WDR81: variants seen among roughly 807,000 people sequenced by gnomAD.
WDR81 encodes the protein WD repeat domain 81.
Under a neutral mutation model 140.8 loss-of-function variants are expected in WDR81, and 92 were observed. That is an observed-to-expected ratio of 0.65 (90% CI 0.55 to 0.78). The LOEUF is 0.78. Among genes scored for constraint, WDR81 ranks in the 30% least tolerant of loss-of-function variants. The probability of loss-of-function intolerance (pLI) is 0.00; values close to 1 mark genes in which losing one functional copy is unlikely to be tolerated. For missense variants in WDR81, 2,502 were observed against 2,636.4 expected (o/e 0.95, Z 1.12); for synonymous variants, 1,183 against 1,156.4 (o/e 1.02, Z -0.47).
chr17:1,728,536 G>C lies in WDR81; in HGVS notation c.3577G>C (p.Val1193Leu), dbSNP rs755638561. Residue 1193 changes from valine (V) to leucine (L), a missense_variant, in exon 1 of 10, where the codon GTT becomes CTT. This residue lies in a region of WDR81 where 1,737 missense variants were observed against 1,843.0 expected (regional missense o/e 0.94). Coordinates refer to ENST00000409644, the MANE Select transcript of WDR81 (RefSeq NM_001163809.2). Reference protein sequence around the residue: ...LSDTVLSMETVVAGGSGGDGE... With the variant: ...LSDTVLSMETLVAGGSGGDGE... ...TGACACGGTGCTGTCCATGGAGACG[G>C]TTGTGGCCGGCGGCAGTGGGGGAGA... The C allele has an allele frequency of 6.4e-6, 10 of 1,551,572 alleles. No homozygotes were observed. In the East Asian group the frequency reaches 2.4e-4, roughly 37 times the overall value.
rs373042794 is a variant in WDR81 at position 1,736,224 on chromosome 17, G to A, written c.5505+6G>A. On this transcript the variant is annotated splice_donor_region_variant and intron_variant, in intron 9 of 9. Transcript: ENST00000409644. ...GGGACATTCTGCAGATCAAGGTGACGGGCCGGGTCTCCCTCCCCTTGCTGC... is the reference window on the plus strand; with the variant it reads ...GGGACATTCTGCAGATCAAGGTGACAGGCCGGGTCTCCCTCCCCTTGCTGC... 6.8e-5 allele frequency: 109 copies of A among 1,592,776 alleles called. No homozygotes were observed. Among genetic ancestry groups the A allele is most frequent in the Middle Eastern group, 5.2e-4 (3 of 5,724 alleles).
At chr17:1,723,967 T>A (rs1915037878), upstream of WDR81, among the ~76,000 whole-genome samples, 1 of 152,200 alleles carries the variant, frequency 6.6e-6, no homozygotes, top group Non-Finnish European at 1.5e-5. Context: ...ACAGAGTGTG[T>A]TGCGAGGGCC....
chr17:1,724,851 C>T lies in WDR81; in HGVS notation c.-109C>T. The T allele has an allele frequency of 2.4e-6, 3 of 1,231,186 alleles. No homozygotes were observed. Among genetic ancestry groups the T allele is most frequent in the East Asian group, 6.5e-5 (2 of 30,882 alleles). The allele number at this position is 1,231,186 out of a possible 1,614,324, so 76.3% of individuals were successfully genotyped here. ...TTCCTGCGGCCGCCTCCGCCCCAGCCCCTGTCCCGCGCCCATCCCAGCCCC... is the reference window on the plus strand; with the variant it reads ...TTCCTGCGGCCGCCTCCGCCCCAGCTCCTGTCCCGCGCCCATCCCAGCCCC... On this transcript the variant is annotated 5_prime_UTR_variant, in exon 1 of 10. Transcript: ENST00000409644.
At position 1,731,135 on chromosome 17, in the gene WDR81, C is replaced by A; in HGVS notation, c.4034C>A (p.Ala1345Glu). 1.9e-6 allele frequency: 3 copies of A among 1,613,298 alleles called. No individual in the cohort carries two copies. The highest frequency in any genetic ancestry group is 8.5e-7 in the Non-Finnish European group (1 of 1,180,010). ...CGTAAGGAGGCGGGGCTGCTGGCCG[C>A]GGTGACGCTGACTCAGAAGATCATC... Reference protein sequence around the residue: ...NSRKEAGLLAAVTLTQKIIVY... With the variant: ...NSRKEAGLLAEVTLTQKIIVY... Residue 1345 changes from alanine (A) to glutamate (E), a missense_variant, in exon 4 of 10, where the codon GCG becomes GAG. Ala to Glu is a moderately radical substitution (Grantham distance 107). This residue lies in a region of WDR81 where 1,737 missense variants were observed against 1,843.0 expected (regional missense o/e 0.94). Coordinates refer to ENST00000409644, the MANE Select transcript of WDR81 (RefSeq NM_001163809.2).
chr17:1,732,621 T>C (rs1258673516), intron 5 of WDR81, 45 bp from the exon 6 acceptor site: 1 of 1,556,172 alleles, frequency 6.4e-7, no homozygotes, highest in African/African-American at 1.4e-5. Flanking sequence ...TGGGCCAGGG[T>C]GGGAGCTGTG....
chr17:1,731,873 G>GC lies in WDR81; in HGVS notation c.4158-451dup, dbSNP rs564237930. On this transcript the variant is annotated intron_variant, in intron 4 of 9. Coordinates refer to ENST00000409644, the MANE Select transcript of WDR81 (RefSeq NM_001163809.2). ...ACCCAGGAAGCGGAGGTTGCAGTGA[G>GC]CTGAGATCACGCCATTGTACTGCAG... Among the ~76,000 whole-genome samples the GC allele has an allele frequency of 2.6e-3, 399 of 151,470 alleles. 2 individuals carry two copies. The highest frequency in any genetic ancestry group is 5.2e-3 in the South Asian group (25 of 4,798).
chr17:1,725,304 G>T lies in WDR81; in HGVS notation c.345G>T (p.Leu115=). ...TGCATGGGCTGCGGAAGCGGAGACT[G>T]TCCTACCCTCTGGGCGGGGGCCTGC... is the stretch of plus-strand genomic sequence containing the variant. The part of the protein sequence containing the change: ...VEVHGLRKRR[L]SYPLGGGLPF... Residue 115 remains leucine (L), a synonymous_variant, in exon 1 of 10, where the codon CTG becomes CTT. Transcript: ENST00000409644. 1 of 1,548,148 alleles carries T rather than the reference G, an allele frequency of 6.5e-7. No individual in the cohort carries two copies.
Position 1,725,015 on chromosome 17 carries a change from G to A in WDR81, c.56G>A (p.Trp19Ter). 1 of 1,472,530 alleles carries A rather than the reference G, an allele frequency of 6.8e-7. No homozygotes were observed. The highest frequency in any genetic ancestry group is 9.0e-7 in the Non-Finnish European group (1 of 1,114,138). 91.2% of individuals were successfully genotyped at this position (1,472,530 alleles called of 1,614,324 possible). The change falls in exon 1 of 10, where the codon TGG becomes TAG. Residue 19 changes from tryptophan (W) to a stop codon, truncating the protein, a stop_gained. Transcript: ENST00000409644. LOFTEE classifies it high-confidence loss of function. ...EGALRTPAGGWHSPPSPDMQE... is the reference protein window; with the variant it reads ...EGALRTPAGG Reference sequence around the variant, plus strand: ...GCTCTCAGAACCCCGGCCGGGGGCTGGCATTCCCCGCCAAGCCCAGACATG... The same window carrying A: ...GCTCTCAGAACCCCGGCCGGGGGCTAGCATTCCCCGCCAAGCCCAGACATG...
Position 1,726,473 on chromosome 17 carries a change from T to C in WDR81, c.1514T>C (p.Ile505Thr). The stretch of plus-strand genomic sequence containing the variant: ...ACCGATCCCTCTATCTTCCGCTCCA[T>C]CCACCCCGACATGCCTGACCTGGAT... Reference protein sequence around the residue: ...FYTDPSIFRSIHPDMPDLDVP... With the variant: ...FYTDPSIFRSTHPDMPDLDVP... Residue 505 changes from isoleucine (I) to threonine (T), a missense_variant, in exon 1 of 10, where the codon ATC becomes ACC. Ile to Thr is a moderately conservative substitution (Grantham distance 89). This residue lies in a region of WDR81 where 218 missense variants were observed against 279.6 expected (regional missense o/e 0.78). Transcript: ENST00000409644. 1 of 1,550,366 alleles carries C rather than the reference T, an allele frequency of 6.5e-7. No individual in the cohort carries two copies. The highest frequency in any genetic ancestry group is 8.7e-7 in the Non-Finnish European group (1 of 1,146,968).
chr17:1,722,695 C>CTT (rs200208522), upstream of WDR81, among the ~76,000 whole-genome samples: 1 of 116,214 alleles, frequency 8.6e-6, no homozygotes, highest in Non-Finnish European at 1.8e-5. Flanking sequence ...TTCTTTCTTT[C>CTT]TTTTTTTTTT....
chr17:1,737,257 G>A lies in WDR81; in HGVS notation c.5506-108G>A, dbSNP rs1023171383. On this transcript the variant is annotated intron_variant, in intron 9 of 9. Coordinates refer to ENST00000409644, the MANE Select transcript of WDR81 (RefSeq NM_001163809.2). Reference sequence around the variant, plus strand: ...TGGCGGCTTGTCACCCACCCAGGACGGCCTGTCTCCCTGGAGAGAAACTGC... The same window carrying A: ...TGGCGGCTTGTCACCCACCCAGGACAGCCTGTCTCCCTGGAGAGAAACTGC... The A allele has an allele frequency of 8.2e-5, 93 of 1,138,070 alleles. 1 individual carries two copies. Among genetic ancestry groups the A allele is most frequent in the Admixed American group, 4.0e-4 (14 of 34,702 alleles). The allele number at this position is 1,138,070 out of a possible 1,614,324, so 70.5% of individuals were successfully genotyped here.
chr17:1,731,040 C>T (rs764020272), intron 3 of WDR81, 28 bp from the exon 4 acceptor site: 1 of 1,608,048 alleles, frequency 6.2e-7, no homozygotes, highest in Non-Finnish European at 8.5e-7. Flanking sequence ...GTGGGGCTGC[C>T]CGGCCCTCAT....
Position 1,732,845 on chromosome 17 carries a change from A to C in WDR81, c.4489+14A>C. 6.3e-7 allele frequency: 1 copy of C among 1,584,696 alleles called. No individual in the cohort carries two copies. Among genetic ancestry groups the C allele is most frequent in the Non-Finnish European group, 8.6e-7 (1 of 1,162,306 alleles). On this transcript the variant is annotated intron_variant, in intron 6 of 9. Coordinates refer to ENST00000409644, the MANE Select transcript of WDR81 (RefSeq NM_001163809.2). Reference sequence around the variant, plus strand: ...CCTGCCTGTTGGGTACTGCCCCATCACGTTCCCCATCACAGTCTTCGTGGC... The same window carrying C: ...CCTGCCTGTTGGGTACTGCCCCATCCCGTTCCCCATCACAGTCTTCGTGGC...
Position 1,732,648 on chromosome 17 carries a change from T to C in WDR81, c.4324-18T>C, listed in dbSNP as rs888928832. 9.4e-6 allele frequency: 15 copies of C among 1,590,776 alleles called. No individual in the cohort carries two copies. The highest frequency in any genetic ancestry group is 1.3e-5 in the Non-Finnish European group (15 of 1,167,054). On this transcript the variant is annotated intron_variant, in intron 5 of 9. Transcript: ENST00000409644. ...GGAGCTGTGGACCCGGCTGACCCCCTGGGTGTCTTGCTCATAGGATCTGAA... is the reference window on the plus strand; with the variant it reads ...GGAGCTGTGGACCCGGCTGACCCCCCGGGTGTCTTGCTCATAGGATCTGAA...
intron 4 of WDR81, among the ~76,000 whole-genome samples, chr17:1,731,529 T>C (rs1024743424): frequency 6.6e-6 from 1 of 152,066 alleles, no homozygotes; most frequent in Non-Finnish European, 1.5e-5. Context: ...CCCAGCACTT[T>C]GAGAGGCTGA....
At position 1,726,921 on chromosome 17, in the gene WDR81, A is replaced by T. The variant is rs1257308341; in HGVS notation, c.1962A>T (p.Ala654=). The T allele has an allele frequency of 5.2e-6, 8 of 1,550,448 alleles. 1 individual carries two copies. The East Asian group carries it at 7.3e-5, about 14-fold the overall frequency. The change falls in exon 1 of 10, where the codon GCA becomes GCT. Residue 654 remains alanine (A), a synonymous_variant. Transcript: ENST00000409644. ...EASWTRDRPV[A]GEDDLEQATE... ...GCTGGACCAGAGACAGGCCGGTGGCAGGAGAAGACGACTTGGAACAGGCCA... is the reference window on the plus strand; with the variant it reads ...GCTGGACCAGAGACAGGCCGGTGGCTGGAGAAGACGACTTGGAACAGGCCA...
At position 1,725,301 on chromosome 17, in the gene WDR81, ACTGTC is replaced by A. The variant is rs1370287658; in HGVS notation, c.345_349del (p.Ser116ProfsTer9). 1 of 1,547,954 alleles carries A rather than the reference ACTGTC, an allele frequency of 6.5e-7. No homozygotes were observed. The highest frequency in any genetic ancestry group is 8.7e-7 in the Non-Finnish European group (1 of 1,146,936). On this transcript the variant is annotated frameshift_variant, in exon 1 of 10. Coordinates refer to ENST00000409644, the MANE Select transcript of WDR81 (RefSeq NM_001163809.2). LOFTEE classifies it high-confidence loss of function. Reference sequence around the variant, plus strand: ...AGGTGCATGGGCTGCGGAAGCGGAGACTGTCCTACCCTCTGGGCGGGGGCCTGCCC... The same window carrying A: ...AGGTGCATGGGCTGCGGAAGCGGAGACTACCCTCTGGGCGGGGGCCTGCCC...
intron 4 of WDR81, 145 bp from the exon 5 acceptor site, chr17:1,732,180 T>C (rs1904405794): frequency 8.9e-7 from 1 of 1,125,632 alleles, no homozygotes; most frequent in East Asian, 2.7e-5. Context: ...GAGGTTGCAG[T>C]GAGCCGAGAT....
chr17:1,731,300 G>A (rs370099898), intron 4 of WDR81, 42 bp downstream of exon 4: 29 of 1,589,482 alleles, frequency 1.8e-5, no homozygotes, highest in African/African-American at 1.6e-4. Flanking sequence ...CCGGCCCAGC[G>A]GAGGGGCTGC....
Sources: gnomAD v4.1 joint callset for allele counts (sites outside exome capture counted in the v4.1 genomes callset) on GRCh38, gnomAD v4.1.1 for gene constraint, gnomAD v4.1.1 regional missense constraint, MANE v1.5 for transcripts, NCBI Gene and HGNC (gene_info 2026-07-23, HGNC 2026-07-21) for gene names.